MAML3: variants seen among roughly 807,000 people sequenced by gnomAD.
MAML3 encodes mastermind like transcriptional coactivator 3, also known as mastermind-like protein 3.
A neutral mutation model predicts 101.9 loss-of-function variants in MAML3; 27 were observed. That is an observed-to-expected ratio of 0.27 (90% confidence interval 0.20 to 0.37). MAML3 has a LOEUF of 0.37. Ranked by LOEUF, MAML3 falls within the 10% of genes least tolerant of loss-of-function variation. MAML3 has a pLI of 1.00. For synonymous variants in MAML3, 501 were observed against 555.9 expected (o/e 0.90, Z 1.39); for missense variants, 1,316 against 1,444.9 (o/e 0.91, Z 1.45).
intron 2 of MAML3, among the ~76,000 whole-genome samples, chr4:139,731,866 T>C (rs1407804301): frequency 6.6e-6 from 1 of 152,060 alleles, no homozygotes; most frequent in Non-Finnish European, 1.5e-5. Flanking sequence ...GGGAAAACAG[T>C]GAATGGGAAG....
intron 1 of MAML3, among the ~76,000 whole-genome samples, chr4:139,940,272 T>C (rs1733578071): frequency 6.6e-6 from 1 of 152,212 alleles, no homozygotes; most frequent in Non-Finnish European, 1.5e-5. Flanking sequence ...GAACAGTATT[T>C]ATATTTATTA....
At position 139,844,396 on chromosome 4, in the gene MAML3, C is replaced by T. The variant is rs148769053; in HGVS notation, c.2079+44961G>A. On this transcript the variant is annotated intron_variant, in intron 2 of 4. Coordinates refer to ENST00000509479, the MANE Select transcript of MAML3 (RefSeq NM_018717.5). ...AACTAAGATTGAAATCAATTAGATGCCACTGTTTAGATGTTGGTGGCATTG... is the reference window on the plus strand; with the variant it reads ...AACTAAGATTGAAATCAATTAGATGTCACTGTTTAGATGTTGGTGGCATTG... Among the ~76,000 whole-genome samples, 884 of 152,256 alleles carry T rather than the reference C, an allele frequency of 5.8e-3. 9 individuals are homozygous for T. The highest frequency in any genetic ancestry group is 0.02 in the African/African-American group (844 of 41,538).
intron 1 of MAML3, among the ~76,000 whole-genome samples, chr4:139,952,949 G>A (rs1345878067): frequency 6.6e-6 from 1 of 152,160 alleles, no homozygotes; most frequent in African/African-American, 2.4e-5. Flanking sequence ...GCCTGGATTT[G>A]GACTGTTGGA....
At position 139,864,929 on chromosome 4, in the gene MAML3, T is replaced by G. The variant is rs1274682560; in HGVS notation, c.2079+24428A>C. Among the ~76,000 whole-genome samples the G allele has an allele frequency of 2.9e-3, 403 of 137,908 alleles. 27 individuals carry two copies. Among genetic ancestry groups the G allele is most frequent in the African/African-American group, 6.9e-3 (249 of 35,936 alleles). The allele number at this position is 137,908 out of a possible 152,430, so 90.5% of individuals were successfully genotyped here. On this transcript the variant is annotated intron_variant, in intron 2 of 4. Transcript: ENST00000509479. ...AAATAGTAATGCAAACTTGCTTTTT[T>G]TTTTTTTTTTTTTTTTTTTTTTTTG...
At chr4:140,025,273 G>T (rs1332388761) in intron 1 of MAML3, among the ~76,000 whole-genome samples, 1 of 152,100 alleles carries the variant, frequency 6.6e-6, no homozygotes. Flanking sequence ...CCATTTTTCT[G>T]AGAAATAACC....
At chr4:140,107,640 G>C (rs1389111755) in intron 1 of MAML3, among the ~76,000 whole-genome samples, 1 of 151,576 alleles carries the variant, frequency 6.6e-6, no homozygotes, top group Non-Finnish European at 1.5e-5. Context: ...GAGTAGCTGG[G>C]ATTACAGGCG....
At chr4:139,839,187 G>T (rs1038130416) in intron 2 of MAML3, among the ~76,000 whole-genome samples, 1 of 152,052 alleles carries the variant, frequency 6.6e-6, no homozygotes, top group Admixed American at 6.6e-5. Context: ...CCCCACACAC[G>T]CCCCTCCCCA....
intron 2 of MAML3, among the ~76,000 whole-genome samples, chr4:139,812,302 G>T (rs1730815442): frequency 6.6e-6 from 1 of 152,200 alleles, no homozygotes; most frequent in Non-Finnish European, 1.5e-5. Context: ...TACCTCTGAT[G>T]ATGAAGGTGC....
At position 140,150,836 on chromosome 4, in the gene MAML3, G is replaced by A. The variant is rs560408897; in HGVS notation, c.468+2024C>T. ...AGATGCGGGACCGGCCCCGCCTCCG[G>A]CTACAATCAGAAAAACTACAGTGTG... On this transcript the variant is annotated intron_variant, in intron 1 of 4. Coordinates refer to ENST00000509479, the MANE Select transcript of MAML3 (RefSeq NM_018717.5). Among the ~76,000 whole-genome samples, 16 of 152,298 alleles carry A rather than the reference G, an allele frequency of 1.1e-4. No individual in the cohort carries two copies. The South Asian group carries it at 3.3e-3, about 32-fold the overall frequency.
In MAML3 at chr4:139,889,380, C is replaced by G. The variant is rs1424471782; in HGVS notation, c.2056G>C (p.Ala686Pro). 13 of 1,614,008 alleles carry G rather than the reference C, an allele frequency of 8.1e-6. No individual in the cohort carries two copies. The highest frequency in any genetic ancestry group is 1.1e-5 in the Non-Finnish European group (13 of 1,179,896). ...KGVMNQPMAY[A>P]ALPSHGQEQH... ...ACCTGACCGTGGGATGGAAGTGCAG[C>G]GTAAGCCATGGGCTGATTCATCACT... Residue 686 changes from alanine to proline, a missense_variant, in exon 2 of 5, where the codon GCT (alanine) becomes CCT (proline). Physicochemically the swap from Ala to Pro is conservative, Grantham distance 27. Transcript: ENST00000509479.
rs1578703771 is a variant in MAML3 at position 140,136,357 on chromosome 4, T to TA, written c.468+16502dup. Among the ~76,000 whole-genome samples the TA allele has an allele frequency of 3.9e-5, 6 of 152,150 alleles. No individual in the cohort carries two copies. The East Asian group carries it at 1.2e-3, about 29-fold the overall frequency. On this transcript the variant is annotated intron_variant, in intron 1 of 4. Coordinates refer to ENST00000509479, the MANE Select transcript of MAML3 (RefSeq NM_018717.5). ...CCAGTATATCCCAAAATGTTCTAGATACATCCCTTCCCCTCCTCCCCCACC... is the reference window on the plus strand; with the variant it reads ...CCAGTATATCCCAAAATGTTCTAGATAACATCCCTTCCCCTCCTCCCCCACC...
intron 1 of MAML3, among the ~76,000 whole-genome samples, chr4:139,916,226 T>A (rs1733026314): frequency 6.6e-6 from 1 of 152,116 alleles, no homozygotes; most frequent in Admixed American, 6.5e-5. Context: ...GCCTGGCTCC[T>A]GAGATAGGAA....
intron 1 of MAML3, among the ~76,000 whole-genome samples, chr4:140,042,764 G>A (rs1028087167): frequency 6.6e-6 from 1 of 152,178 alleles, no homozygotes; most frequent in Non-Finnish European, 1.5e-5. Flanking sequence ...AAATGCATAA[G>A]GGACTGCGGA....
At chr4:140,071,004 A>G (rs1183176055) in intron 1 of MAML3, among the ~76,000 whole-genome samples, 1 of 152,192 alleles carries the variant, frequency 6.6e-6, no homozygotes, top group East Asian at 1.9e-4. Flanking sequence ...CACAGCAGAT[A>G]ATAATGTGCC....
chr4:140,077,908 C>T (rs1157901973), intron 1 of MAML3, among the ~76,000 whole-genome samples: 4 of 152,000 alleles, frequency 2.6e-5, no homozygotes, highest in African/African-American at 7.2e-5. Flanking sequence ...GTCCCAGCTA[C>T]TCGGGAGGCC....
chr4:139,861,505 G>GTGTGTT (rs1316872371), intron 2 of MAML3, among the ~76,000 whole-genome samples: 2 of 152,058 alleles, frequency 1.3e-5, no homozygotes, highest in Admixed American at 6.5e-5. Flanking sequence ...GTGTGTGTGT[G>GTGTGTT]TGTGTAGTCT....
chr4:140,118,648 C>A (rs1399215903), intron 1 of MAML3, among the ~76,000 whole-genome samples: 2 of 152,056 alleles, frequency 1.3e-5, no homozygotes, highest in African/African-American at 4.8e-5. Context: ...AGTTCAAGAC[C>A]AGCCTGGGCA....
chr4:140,153,512 T>G lies in MAML3; in HGVS notation c.-185A>C. ...GGGGAGATTTTGGGGTGGTTTTTGT[T>G]TCCTTTTTTTAAACTGTAAAAGCTC... is the stretch of plus-strand genomic sequence containing the variant. On this transcript the variant is annotated 5_prime_UTR_variant, in exon 1 of 5. Coordinates refer to ENST00000509479, the MANE Select transcript of MAML3 (RefSeq NM_018717.5). 3.2e-6 allele frequency: 2 copies of G among 622,558 alleles called. No homozygotes were observed. The highest frequency in any genetic ancestry group is 5.2e-6 in the Non-Finnish European group (2 of 385,944). 38.6% of individuals were successfully genotyped at this position (622,558 alleles called of 1,614,324 possible). A position where few individuals can be genotyped will look rare whatever the true frequency, so the allele number is the denominator to read the frequency against.
chr4:139,929,012 T>C (rs974230456), intron 1 of MAML3, among the ~76,000 whole-genome samples: 25 of 152,174 alleles, frequency 1.6e-4, no homozygotes, highest in Non-Finnish European at 3.7e-4. Context: ...ACAAATTTGA[T>C]AAGAGCAAGA....
Sources: allele counts gnomAD v4.1 joint callset (sites outside exome capture counted in the v4.1 genomes callset), GRCh38; gene constraint gnomAD v4.1.1; transcripts MANE v1.5; gene names NCBI Gene and HGNC (gene_info 2026-07-23, HGNC 2026-07-21).